ATXN10: variants seen among roughly 807,000 people sequenced by gnomAD.
ATXN10 encodes ataxin-10.
Under a neutral mutation model 52.9 loss-of-function variants are expected in ATXN10, and 28 were observed. The observed-to-expected ratio is 0.53, with a 90% CI of 0.39 to 0.73. The LOEUF is 0.73. ATXN10 is among the 30% of genes least tolerant of loss of function. ATXN10 has a pLI of 0.00. For missense variants in ATXN10, 565 were observed against 577.0 expected (o/e 0.98, Z 0.21); for synonymous variants, 226 against 221.5 (o/e 1.02, Z -0.18).
intron 10 of ATXN10, among the ~76,000 whole-genome samples, chr22:45,839,806 G>A (rs1037728195): frequency 6.6e-6 from 1 of 152,064 alleles, no homozygotes; most frequent in South Asian, 2.1e-4. Context: ...CATTTATATC[G>A]GTTTACTTTC....
At chr22:45,731,826 T>A (rs1925100660) in intron 7 of ATXN10, among the ~76,000 whole-genome samples, 1 of 152,258 alleles carries the variant, frequency 6.6e-6, no homozygotes. Flanking sequence ...ATCTTACTAA[T>A]CATTTCGTTA....
In ATXN10 at chr22:45,672,156, G is replaced by A; in HGVS notation, c.93G>A (p.Ala31=). The A allele has an allele frequency of 6.5e-7, 1 of 1,538,824 alleles. No individual in the cohort carries two copies. ...TGGAGGCCCTGCGCGCGCTCACGGC[G>A]CTCTTCAAAGAGCAGCGGAACCGGT... ...QDLEALRALT[A]LFKEQRNRET... The change falls in exon 1 of 12, where the codon GCG becomes GCA. Residue 31 remains alanine (A), a synonymous_variant. Coordinates refer to ENST00000252934, the MANE Select transcript of ATXN10 (RefSeq NM_013236.4).
chr22:45,778,812 AT>A (rs1445908224), intron 9 of ATXN10, among the ~76,000 whole-genome samples: 1 of 152,232 alleles, frequency 6.6e-6, no homozygotes, highest in Non-Finnish European at 1.5e-5. Flanking sequence ...TTTGATTAAT[AT>A]ATGAAATTAA....
In ATXN10 at chr22:45,728,588, G is replaced by C. The variant is rs1394812771; in HGVS notation, c.729-837G>C. 1.3e-5 allele frequency among the ~76,000 whole-genome samples: 2 copies of C among 152,112 alleles called. No homozygotes were observed. Among genetic ancestry groups the C allele is most frequent in the Non-Finnish European group, 2.9e-5 (2 of 68,024 alleles). On this transcript the variant is annotated intron_variant, in intron 6 of 11. Coordinates refer to ENST00000252934, the MANE Select transcript of ATXN10 (RefSeq NM_013236.4). This position sits in a 1 kb window ranked among gnomAD's most constrained non-coding sequence, Gnocchi z 4.3. ...ATTTACCCTTATTTGCTAATAAGCA[G>C]TTTAGATGTTCGTACCCTGTCTTCT...
At chr22:45,794,748 C>CA (rs200784666) in intron 9 of ATXN10, among the ~76,000 whole-genome samples, 19 of 151,096 alleles carry the variant, frequency 1.3e-4, no homozygotes, top group African/African-American at 3.9e-4. Flanking sequence ...AAATGAAGGT[C>CA]AAAAAAAAGA....
chr22:45,741,611 A>T (rs899745097), intron 9 of ATXN10, among the ~76,000 whole-genome samples: 4 of 152,166 alleles, frequency 2.6e-5, no homozygotes, highest in African/African-American at 9.7e-5. Flanking sequence ...CTGATGCCAC[A>T]TAGATCAGGG....
At chr22:45,806,150 A>G (rs900322902) in intron 9 of ATXN10, among the ~76,000 whole-genome samples, 14 of 152,224 alleles carry the variant, frequency 9.2e-5, no homozygotes, top group African/African-American at 3.1e-4. Context: ...GTTCCCTTTC[A>G]TGGGAGTTGT....
Position 45,749,716 on chromosome 22 carries a change from C to G in ATXN10, c.1173+9178C>G, listed in dbSNP as rs140413237. ...AACTGGGACTGCAGGCATGTGCCACCATGCCCGACTACTAAAAATTTTTTT... is the reference window on the plus strand; with the variant it reads ...AACTGGGACTGCAGGCATGTGCCACGATGCCCGACTACTAAAAATTTTTTT... On this transcript the variant is annotated intron_variant, in intron 9 of 11. Coordinates refer to ENST00000252934, the MANE Select transcript of ATXN10 (RefSeq NM_013236.4). Among the ~76,000 whole-genome samples, 1,497 of 152,118 alleles carry G rather than the reference C, an allele frequency of 9.8e-3. 13 individuals carry two copies. The highest frequency in any genetic ancestry group is 0.027 in the Middle Eastern group (8 of 294).
In ATXN10 at chr22:45,701,318, C is replaced by G. The variant is rs1010442658; in HGVS notation, c.488+940C>G. 6.6e-6 allele frequency among the ~76,000 whole-genome samples: 1 copy of G among 152,142 alleles called. No individual in the cohort carries two copies. The highest frequency in any genetic ancestry group is 1.5e-5 in the Non-Finnish European group (1 of 68,026). On this transcript the variant is annotated intron_variant, in intron 4 of 11. Coordinates refer to ENST00000252934, the MANE Select transcript of ATXN10 (RefSeq NM_013236.4). The surrounding 1 kb of genome is among the most constrained non-coding windows in gnomAD (Gnocchi z 4.2). ...TAAATGGCAGAGGTAGAGTGTAAAC[C>G]CATTGCTGCCATCTGGATCTAAAGC... is the stretch of plus-strand genomic sequence containing the variant.
At chr22:45,808,328 AAAG>A (rs1308536065) in intron 10 of ATXN10, among the ~76,000 whole-genome samples, 1 of 152,228 alleles carries the variant, frequency 6.6e-6, no homozygotes, top group African/African-American at 2.4e-5. Flanking sequence ...TATTATGAAA[AAAG>A]AAATTCACTC....
intron 10 of ATXN10, among the ~76,000 whole-genome samples, chr22:45,836,316 A>G (rs1209604952): frequency 1.3e-5 from 2 of 152,256 alleles, no homozygotes; most frequent in Admixed American, 1.3e-4. Context: ...ATATCTCTTG[A>G]CATTCGAGTT....
chr22:45,736,793 G>T (rs186994141), intron 7 of ATXN10, among the ~76,000 whole-genome samples: 128 of 151,980 alleles, frequency 8.4e-4, no homozygotes, highest in Middle Eastern at 6.8e-3. Flanking sequence ...TACTACTTTC[G>T]TCAAGAAGCA....
intron 1 of ATXN10, chr22:45,689,336 A>C (rs1923276226): frequency 3.3e-6 from 1 of 307,378 alleles, no homozygotes; most frequent in Admixed American, 4.5e-5. Context: ...TTGGGTTGTC[A>C]TGGGTAGTGG....
At chr22:45,700,795 G>T (rs1818675326) in intron 4 of ATXN10, among the ~76,000 whole-genome samples, 1 of 152,158 alleles carries the variant, frequency 6.6e-6, no homozygotes, top group Admixed American at 6.5e-5. Flanking sequence ...AATTGTTTAT[G>T]TATTGAATAC....
chr22:45,697,660 C>T (rs973520481), intron 3 of ATXN10, among the ~76,000 whole-genome samples: 3 of 151,918 alleles, frequency 2.0e-5, no homozygotes, highest in Admixed American at 2.0e-4. Flanking sequence ...GAGACAGAGT[C>T]TCGCTGTCGC....
chr22:45,797,723 A>G (rs1927792667), intron 9 of ATXN10, among the ~76,000 whole-genome samples: 1 of 152,220 alleles, frequency 6.6e-6, no homozygotes, highest in Non-Finnish European at 1.5e-5. Context: ...AGAAAATAAA[A>G]TAGACATAGA....
intron 1 of ATXN10, 66 bp downstream of exon 1, chr22:45,672,245 C>G (rs536358845): frequency 3.8e-6 from 5 of 1,312,842 alleles, no homozygotes; most frequent in South Asian, 4.0e-5. Flanking sequence ...GCGGCGGCCC[C>G]GGCCTGGACC....
intron 9 of ATXN10, among the ~76,000 whole-genome samples, chr22:45,743,100 T>C (rs1194968104): frequency 1.3e-5 from 2 of 152,234 alleles, no homozygotes; most frequent in African/African-American, 4.8e-5. Flanking sequence ...AGTGCTGCTG[T>C]GCAGAGGTCA....
At chr22:45,829,840 A>G (rs1485686607) in intron 10 of ATXN10, among the ~76,000 whole-genome samples, 1 of 152,198 alleles carries the variant, frequency 6.6e-6, no homozygotes, top group Non-Finnish European at 1.5e-5. Flanking sequence ...CAATATCCCA[A>G]TGAAATTTTT....
Sources: allele counts gnomAD v4.1 joint callset (sites outside exome capture counted in the v4.1 genomes callset), GRCh38; gene constraint gnomAD v4.1.1; non-coding constraint Gnocchi (gnomAD v3.1); transcripts MANE v1.5; gene names NCBI Gene and HGNC (gene_info 2026-07-23, HGNC 2026-07-21).